Variants in TENM1 observed in about 807,000 individuals in gnomAD.
TENM1 encodes teneurin-1.
Under a neutral mutation model 174.8 loss-of-function variants are expected in TENM1, and 35 were observed. The ratio of observed to expected loss-of-function variants is 0.20; its 90% CI spans 0.15 to 0.27. The LOEUF (loss-of-function observed/expected upper bound fraction) is 0.27, where lower values mean the gene tolerates loss of function less well. Ranked by LOEUF, TENM1 falls within the 10% of genes least tolerant of loss-of-function variation. TENM1 has a pLI of 1.00. For synonymous variants in TENM1, 781 were observed against 798.7 expected (o/e 0.98, Z 0.37); for missense variants, 1,633 against 2,130.1 (o/e 0.77, Z 4.59).
intron 18 of TENM1, among the ~76,000 whole-genome samples, chrX:124,507,009 C>A (rs1042007406): frequency 9.0e-6 from 1 of 111,427 alleles, no homozygotes; most frequent in African/African-American, 3.3e-5. Flanking sequence ...ATTTCCCAGG[C>A]GGCCTGTTGT....
At chrX:124,969,522 T>G in the TENM1 span, among the ~76,000 whole-genome samples, 3 of 112,586 alleles carry the variant, frequency 2.7e-5, no homozygotes, top group Admixed American at 2.8e-4. Flanking sequence ...AGCAGCTAAC[T>G]CATAAAGCAG....
exon 24 of TENM1, chrX:124,422,456 G>A (rs2060664947): frequency 8.3e-7 from 1 of 1,211,429 alleles, no homozygotes; most frequent in African/African-American, 1.7e-5. Context: ...CTAGAGTGGA[G>A]TGAATTGCTA....
intron 12 of TENM1, among the ~76,000 whole-genome samples, chrX:124,564,539 C>T (rs1462207256): frequency 9.0e-6 from 1 of 111,034 alleles, no homozygotes; most frequent in African/African-American, 3.3e-5. Flanking sequence ...CACTCTGTGA[C>T]CCCCTTTCTT....
At chrX:124,727,188 T>C (rs911513463) in intron 4 of TENM1, among the ~76,000 whole-genome samples, 1 of 112,551 alleles carries the variant, frequency 8.9e-6, no homozygotes, top group African/African-American at 3.2e-5. Flanking sequence ...CACACAATTC[T>C]GATTTGTCTT....
In TENM1 at chrX:124,585,246, C is replaced by T. The variant is rs752555272; in HGVS notation, c.2078-19686G>A. Among the ~76,000 whole-genome samples, 46 of 111,482 alleles carry T rather than the reference C, an allele frequency of 4.1e-4. No individual in the cohort carries two copies. The South Asian group carries it at 0.018, about 43-fold the overall frequency. On this transcript the variant is annotated intron_variant, in intron 11 of 31. Transcript: ENST00000422452. Reference sequence around the variant, plus strand: ...AACAGAATATACATTTTGTTCAGCACCACACCACACCTATTCCAAAATTGA... The same window carrying T: ...AACAGAATATACATTTTGTTCAGCATCACACCACACCTATTCCAAAATTGA...
At chrX:125,135,760 A>G in the TENM1 span, among the ~76,000 whole-genome samples, 1 of 112,263 alleles carries the variant, frequency 8.9e-6, no homozygotes, top group Non-Finnish European at 1.9e-5. Flanking sequence ...CCTAATCTTT[A>G]GGATAGTTCA....
intron 1 of TENM1, among the ~76,000 whole-genome samples, chrX:124,934,225 G>C (rs1182176907): frequency 3.6e-5 from 4 of 112,107 alleles, no homozygotes; most frequent in Non-Finnish European, 7.5e-5. Context: ...ACCACAGATG[G>C]AGATTTAAAG....
intron 3 of TENM1, among the ~76,000 whole-genome samples, chrX:124,884,495 C>T (rs754444860): frequency 9.0e-6 from 1 of 111,049 alleles, no homozygotes; most frequent in Non-Finnish European, 1.9e-5. Flanking sequence ...AAGGGTTCTC[C>T]ATAGCTAGGA....
At chrX:124,984,753 T>C in the TENM1 span, among the ~76,000 whole-genome samples, 6 of 112,340 alleles carry the variant, frequency 5.3e-5, no homozygotes, top group African/African-American at 1.6e-4. Flanking sequence ...GAATCAGTGT[T>C]ATATCACTGG....
At chrX:124,581,597 T>C (rs2049313246) in intron 11 of TENM1, among the ~76,000 whole-genome samples, 1 of 112,457 alleles carries the variant, frequency 8.9e-6, no homozygotes, top group Non-Finnish European at 1.9e-5. Flanking sequence ...TGTTTTAACT[T>C]CTTTAAGAAA....
At chrX:124,624,039 G>A (rs1477095445) in intron 11 of TENM1, among the ~76,000 whole-genome samples, 1 of 111,790 alleles carries the variant, frequency 8.9e-6, no homozygotes, top group African/African-American at 3.3e-5. Context: ...GCCAGGCTCA[G>A]GGCTAGAATC....
intron 3 of TENM1, among the ~76,000 whole-genome samples, chrX:124,839,780 C>T (rs1014162316): frequency 3.6e-5 from 4 of 111,805 alleles, no homozygotes; most frequent in South Asian, 7.4e-4. Context: ...TATTTTAAAT[C>T]GTCTGGTCCC....
At chrX:125,183,866 T>C in the TENM1 span, among the ~76,000 whole-genome samples, 1,741 of 112,049 alleles carry the variant, frequency 0.016, 12 homozygotes, top group Non-Finnish European at 0.025. Context: ...ATTGCTAATC[T>C]TGATTCCGTA....
intron 28 of TENM1, among the ~76,000 whole-genome samples, chrX:124,389,492 T>C (rs2060259668): frequency 8.9e-6 from 1 of 112,363 alleles, no homozygotes; most frequent in Non-Finnish European, 1.9e-5. Context: ...CACAAGGAGA[T>C]ACAAAACCTC....
chrX:124,729,928 C>T (rs2053526801), intron 4 of TENM1, among the ~76,000 whole-genome samples: 1 of 111,335 alleles, frequency 9.0e-6, no homozygotes, highest in African/African-American at 3.3e-5. Flanking sequence ...GCGATCTCGG[C>T]TCACTGCAAC....
At chrX:124,459,650 C>T (rs1180924935) in intron 22 of TENM1, among the ~76,000 whole-genome samples, 1 of 111,643 alleles carries the variant, frequency 9.0e-6, no homozygotes, top group Non-Finnish European at 1.9e-5. Context: ...TGGAAGAAAA[C>T]CTAGGCAATA....
At chrX:124,743,239 C>G (rs932359846) in intron 3 of TENM1, among the ~76,000 whole-genome samples, 1 of 111,454 alleles carries the variant, frequency 9.0e-6, no homozygotes, top group Non-Finnish European at 1.9e-5. Context: ...AACTGGTTTT[C>G]AGAAGAAAAT....
intron 6 of TENM1, among the ~76,000 whole-genome samples, chrX:124,661,272 T>C (rs1191446418): frequency 8.9e-6 from 1 of 111,831 alleles, no homozygotes; most frequent in Non-Finnish European, 1.9e-5. Flanking sequence ...AGGGTAAAGA[T>C]CTCTGAATTG....
chrX:125,037,449 G>A, the TENM1 span, among the ~76,000 whole-genome samples: 1 of 110,974 alleles, frequency 9.0e-6, no homozygotes, highest in Admixed American at 9.6e-5. Context: ...TCTAGAACCA[G>A]AATATTTAAC....
Sources: gnomAD v4.1 joint callset for allele counts (sites outside exome capture counted in the v4.1 genomes callset) on GRCh38, gnomAD v4.1.1 for gene constraint, MANE v1.5 for transcripts, NCBI Gene and HGNC (gene_info 2026-07-23, HGNC 2026-07-21) for gene names.